Variants in ZDHHC15 observed in about 807,000 individuals in gnomAD.
ZDHHC15 encodes the protein zDHHC palmitoyltransferase 15.
In ZDHHC15, 19 loss-of-function variants were observed where a neutral mutation model predicts 31.7. The ratio of observed to expected loss-of-function variants is 0.60; its 90% CI spans 0.42 to 0.88. The LOEUF (loss-of-function observed/expected upper bound fraction) is 0.88. ZDHHC15 is among the 40% of genes least tolerant of loss of function. The pLI, the probability that ZDHHC15 is intolerant of heterozygous loss-of-function variation, is 0.00. For missense variants in ZDHHC15, 209 were observed against 251.2 expected (o/e 0.83, Z 1.14); for synonymous variants, 103 against 90.0 (o/e 1.14, Z -0.82).
intron 4 of ZDHHC15, among the ~76,000 whole-genome samples, chrX:75,449,201 TACACACAC>T (rs3075226): frequency 0.056 from 4,277 of 76,503 alleles, 158 homozygotes; most frequent in African/African-American, 0.11. Context: ...TCTCTCTCTA[TACACACAC>T]ACACACACAC....
chrX:75,426,439 T>C (rs2083714886), intron 7 of ZDHHC15, among the ~76,000 whole-genome samples: 1 of 109,492 alleles, frequency 9.1e-6, no homozygotes, highest in Admixed American at 9.8e-5. Context: ...GAGTTCTTCT[T>C]AAACTTTTTT....
At chrX:75,376,306 A>G (rs1313732519) in intron 11 of ZDHHC15, among the ~76,000 whole-genome samples, 1 of 105,518 alleles carries the variant, frequency 9.5e-6, no homozygotes, top group East Asian at 2.9e-4. Context: ...TGGATATTAA[A>G]CTTTTGTCAG....
intron 2 of ZDHHC15, among the ~76,000 whole-genome samples, chrX:75,483,129 G>T (rs1042747449): frequency 1.3e-4 from 14 of 106,164 alleles, no homozygotes; most frequent in African/African-American, 4.8e-4. Context: ...TGTCAAAGTT[G>T]TTGTGGTAAT....
At chrX:75,495,472 A>G (rs1344861969) in intron 2 of ZDHHC15, among the ~76,000 whole-genome samples, 2 of 111,039 alleles carry the variant, frequency 1.8e-5, no homozygotes, top group African/African-American at 3.3e-5. Context: ...CTATAAAGAC[A>G]CATGCACACG....
chrX:75,488,151 C>T lies in ZDHHC15; in HGVS notation c.164-9166G>A, dbSNP rs971523349. Among the ~76,000 whole-genome samples, 7 of 111,400 alleles carry T rather than the reference C, an allele frequency of 6.3e-5. No individual in the cohort carries two copies. In the East Asian group the frequency reaches 1.1e-3, roughly 18 times the overall value. On this transcript the variant is annotated intron_variant, in intron 2 of 11. Transcript: ENST00000373367. Reference sequence around the variant, plus strand: ...TGGTCTTGCTACTGATCTAGACATCCGAATACAAGAAGCCAAGAACACATG... The same window carrying T: ...TGGTCTTGCTACTGATCTAGACATCTGAATACAAGAAGCCAAGAACACATG...
At chrX:75,399,261 G>T (rs2083330706) in intron 10 of ZDHHC15, among the ~76,000 whole-genome samples, 1 of 111,752 alleles carries the variant, frequency 8.9e-6, no homozygotes, top group Admixed American at 9.4e-5. Context: ...TCCCTGGACA[G>T]AGCCTCCAGG....
At chrX:75,374,815 A>G (rs1290020871) in intron 11 of ZDHHC15, among the ~76,000 whole-genome samples, 3 of 110,531 alleles carry the variant, frequency 2.7e-5, no homozygotes, top group Non-Finnish European at 5.7e-5. Flanking sequence ...CAGACAAAAC[A>G]AAAAAATACA....
intron 1 of ZDHHC15, among the ~76,000 whole-genome samples, chrX:75,517,063 C>T (rs955932714): frequency 1.8e-5 from 2 of 111,560 alleles, no homozygotes; most frequent in African/African-American, 3.3e-5. Flanking sequence ...GTTAGAATGG[C>T]GATCATTAAA....
intron 1 of ZDHHC15, among the ~76,000 whole-genome samples, chrX:75,514,747 C>G (rs185290842): frequency 2.1e-3 from 232 of 111,724 alleles, no homozygotes; most frequent in Admixed American, 5.4e-3. Flanking sequence ...ATATCCCATG[C>G]AAGGCTCGGT....
chrX:75,373,409 A>C (rs1480801893), intron 11 of ZDHHC15, among the ~76,000 whole-genome samples: 2 of 111,621 alleles, frequency 1.8e-5, no homozygotes, highest in African/African-American at 6.5e-5. Flanking sequence ...TAGTTTACTC[A>C]TCTGTAAAAC....
intron 10 of ZDHHC15, among the ~76,000 whole-genome samples, chrX:75,401,077 G>A (rs746554288): frequency 5.4e-5 from 6 of 110,815 alleles, no homozygotes; most frequent in Non-Finnish European, 7.6e-5. Flanking sequence ...GGAAAGTAGC[G>A]CATCACTGAG....
chrX:75,400,633 C>T (rs1361674437), intron 10 of ZDHHC15, among the ~76,000 whole-genome samples: 1 of 111,162 alleles, frequency 9.0e-6, no homozygotes, highest in Non-Finnish European at 1.9e-5. Flanking sequence ...TACAGAGAAC[C>T]CCTGCAAGAT....
At chrX:75,463,016 A>C (rs1357019463) in intron 3 of ZDHHC15, among the ~76,000 whole-genome samples, 1 of 111,470 alleles carries the variant, frequency 9.0e-6, no homozygotes, top group Non-Finnish European at 1.9e-5. Context: ...ATAGACCACT[A>C]GCCAGACTAA....
chrX:75,520,220 G>A (rs1362495378), intron 1 of ZDHHC15, among the ~76,000 whole-genome samples: 1 of 112,100 alleles, frequency 8.9e-6, no homozygotes, highest in Non-Finnish European at 1.9e-5. Flanking sequence ...TGTGGTGCAA[G>A]TATGTTAACT....
At chrX:75,490,949 T>C (rs1338429395) in intron 2 of ZDHHC15, among the ~76,000 whole-genome samples, 1 of 111,688 alleles carries the variant, frequency 9.0e-6, no homozygotes, top group African/African-American at 3.3e-5. Flanking sequence ...CCAGTTAGAA[T>C]GGCAATCATT....
intron 10 of ZDHHC15, among the ~76,000 whole-genome samples, chrX:75,412,101 C>T (rs759514833): frequency 1.2e-3 from 131 of 111,852 alleles, no homozygotes; most frequent in South Asian, 0.011. Context: ...TTAGGATGGT[C>T]ATTCTCAAAA....
chrX:75,452,928 G>T (rs2084148776), intron 3 of ZDHHC15, among the ~76,000 whole-genome samples: 1 of 111,884 alleles, frequency 8.9e-6, no homozygotes, highest in South Asian at 3.7e-4. Flanking sequence ...ACAAGAGAAA[G>T]CAGGAAAGAT....
At chrX:75,435,489 G>T (rs1269258741) in intron 4 of ZDHHC15, among the ~76,000 whole-genome samples, 1 of 111,905 alleles carries the variant, frequency 8.9e-6, no homozygotes, top group Non-Finnish European at 1.9e-5. Context: ...GTCATAGATG[G>T]CTTTTATTAC....
In ZDHHC15 at chrX:75,385,247, A is replaced by T. The variant is rs192494010; in HGVS notation, c.968-6049T>A. ...CTGAACCAGAGCTCTTGTATATAGG[A>T]TGTACTTGGAGAGTCTGAATTCTGA... is the stretch of plus-strand genomic sequence containing the variant. On this transcript the variant is annotated intron_variant, in intron 10 of 11. Transcript: ENST00000373367. Among the ~76,000 whole-genome samples the T allele has an allele frequency of 8.2e-3, 917 of 111,491 alleles. 7 individuals are homozygous for T. The highest frequency in any genetic ancestry group is 0.013 in the Non-Finnish European group (693 of 53,063).
Sources: gnomAD v4.1 joint callset for allele counts (sites outside exome capture counted in the v4.1 genomes callset) on GRCh38, gnomAD v4.1.1 for gene constraint, MANE v1.5 for transcripts, NCBI Gene and HGNC (gene_info 2026-07-23, HGNC 2026-07-21) for gene names.